The following PTPRA variants were observed in gnomAD, a reference collection of about 807,000 sequenced individuals.
PTPRA encodes the protein receptor-type tyrosine-protein phosphatase alpha.
A neutral mutation model predicts 104.8 loss-of-function variants in PTPRA; 25 were observed. The observed-to-expected ratio is 0.24, with a 90% CI of 0.17 to 0.33. The LOEUF is 0.33. PTPRA is among the 10% of genes least tolerant of loss of function. The probability of loss-of-function intolerance (pLI) is 1.00; values close to 1 mark genes in which losing one functional copy is unlikely to be tolerated. For synonymous variants in PTPRA, 323 were observed against 368.9 expected (o/e 0.88, Z 1.43); for missense variants, 765 against 1,015.3 (o/e 0.75, Z 3.35).
At chr20:2,989,427 A>G (rs921723318) in intron 9 of PTPRA, among the ~76,000 whole-genome samples, 1 of 152,148 alleles carries the variant, frequency 6.6e-6, no homozygotes, top group Non-Finnish European at 1.5e-5. Flanking sequence ...GCGAGACTCC[A>G]TCTCAAAAAA....
intron 1 of PTPRA, among the ~76,000 whole-genome samples, chr20:2,912,878 A>C (rs985079393): frequency 6.6e-6 from 1 of 152,220 alleles, no homozygotes; most frequent in African/African-American, 2.4e-5. Flanking sequence ...TACTTTGACT[A>C]TCCAGAAATT....
upstream of PTPRA, among the ~76,000 whole-genome samples, chr20:2,872,285 CG>C (rs1393377089): frequency 1.3e-5 from 2 of 152,310 alleles, no homozygotes; most frequent in East Asian, 3.9e-4. This position sits in a 1 kb window ranked among gnomAD's most constrained non-coding sequence, Gnocchi z 7.9. Context: ...GAAGAGTTGC[CG>C]CCGGTCACAA....
intron 1 of PTPRA, among the ~76,000 whole-genome samples, chr20:2,911,378 G>A (rs1490868480): frequency 6.6e-6 from 1 of 152,184 alleles, no homozygotes; most frequent in Non-Finnish European, 1.5e-5. Context: ...AATGATAAGA[G>A]ATGAGAATCC....
chr20:2,954,785 T>G (rs2147836094), intron 3 of PTPRA, among the ~76,000 whole-genome samples: 1 of 152,342 alleles, frequency 6.6e-6, no homozygotes, highest in East Asian at 1.9e-4. Context: ...TCCAAAGTCA[T>G]GAAGCTTTGC....
chr20:2,865,798 G>A, the PTPRA span: 1 of 487,632 alleles, frequency 2.1e-6, no homozygotes, highest in Non-Finnish European at 3.7e-6. The surrounding 1 kb of genome is among the most constrained non-coding windows in gnomAD (Gnocchi z 5.2). Context: ...GGGTGGAGGG[G>A]GCACAGGGAG....
At chr20:2,989,847 C>G (rs1034760273) in intron 9 of PTPRA, among the ~76,000 whole-genome samples, 4 of 152,060 alleles carry the variant, frequency 2.6e-5, no homozygotes, top group Non-Finnish European at 5.9e-5. Context: ...GAAACCCTGT[C>G]TCTACTAAAA....
intron 13 of PTPRA, among the ~76,000 whole-genome samples, chr20:3,019,119 C>T (rs2064672614): frequency 7.0e-6 from 1 of 143,288 alleles, no homozygotes. Context: ...AGGCGCCCCT[C>T]ACCTCCTGGA....
chr20:2,892,372 G>C (rs1352128950), intron 1 of PTPRA, among the ~76,000 whole-genome samples: 1 of 151,724 alleles, frequency 6.6e-6, no homozygotes, highest in Non-Finnish European at 1.5e-5. Context: ...GATGGTCCCT[G>C]ATTTATGATG....
Position 3,022,054 on chromosome 20 carries a change from G to T in PTPRA, c.1162G>T (p.Val388Leu). The change falls in exon 15 of 24, where the codon GTG becomes TTG. Residue 388 changes from valine (V) to leucine (L), a missense_variant and splice_region_variant. By Grantham distance (32) the Val-to-Leu change is conservative. Coordinates refer to ENST00000399903, the MANE Select transcript of PTPRA (RefSeq NM_001385305.1). The surrounding 1 kb of genome is among the most constrained non-coding windows in gnomAD (Gnocchi z 4.6). ...YTVRKFCIQQ[V>L]GDMTNRKPQR... ...CACACAGGATCTCCTCACTTCACAG[G>T]TGGGCGACATGACCAACAGAAAGCC... 6.2e-7 allele frequency: 1 copy of T among 1,614,060 alleles called. No individual in the cohort carries two copies. The highest frequency in any genetic ancestry group is 8.5e-7 in the Non-Finnish European group (1 of 1,179,946).
intron 3 of PTPRA, among the ~76,000 whole-genome samples, chr20:2,957,242 G>A (rs567134723): frequency 8.5e-5 from 13 of 152,224 alleles, no homozygotes; most frequent in African/African-American, 2.6e-4. Flanking sequence ...CCGAGATCGC[G>A]CCACAACATT....
chr20:2,915,741 A>G (rs771410276), intron 1 of PTPRA, among the ~76,000 whole-genome samples: 7 of 152,144 alleles, frequency 4.6e-5, no homozygotes, highest in Admixed American at 3.3e-4. Flanking sequence ...TAATCCTAGC[A>G]CTTTGAGAGG....
chr20:2,890,164 T>C (rs1460676509), intron 1 of PTPRA, among the ~76,000 whole-genome samples: 1 of 151,938 alleles, frequency 6.6e-6, no homozygotes, highest in Non-Finnish European at 1.5e-5. Context: ...GCCCAAGTGC[T>C]GGGATTACAG....
chr20:2,978,314 G>A (rs763058539), intron 6 of PTPRA, among the ~76,000 whole-genome samples: 1 of 152,194 alleles, frequency 6.6e-6, no homozygotes. Context: ...TCAACCCAGT[G>A]GTTAGATTCT....
chr20:3,025,868 CAAAA>C (rs560575967), intron 17 of PTPRA, among the ~76,000 whole-genome samples: 4 of 67,952 alleles, frequency 5.9e-5, no homozygotes, highest in Non-Finnish European at 1.0e-4. Context: ...GACTCTGTCT[CAAAA>C]AAAAAAAAAA....
the PTPRA span, chr20:2,865,265 CACA>C: frequency 6.8e-6 from 11 of 1,614,144 alleles, no homozygotes; most frequent in Non-Finnish European, 8.5e-6. The surrounding 1 kb of genome is among the most constrained non-coding windows in gnomAD (Gnocchi z 5.2). Context: ...TCTTGGCGGT[CACA>C]ACAAGCGTGC....
chr20:2,943,780 CA>C (rs2061018093), intron 2 of PTPRA, among the ~76,000 whole-genome samples: 1 of 152,144 alleles, frequency 6.6e-6, no homozygotes, highest in Non-Finnish European at 1.5e-5. Context: ...AAAGAGGATG[CA>C]GATTATTTGG....
chr20:2,985,835 G>A (rs367558202), intron 6 of PTPRA, among the ~76,000 whole-genome samples: 1 of 152,112 alleles, frequency 6.6e-6, no homozygotes, highest in Non-Finnish European at 1.5e-5. Context: ...TTCTACCTCA[G>A]CCTCCCAAAG....
At chr20:2,999,155 A>G (rs1013798108) in intron 9 of PTPRA, among the ~76,000 whole-genome samples, 3 of 152,156 alleles carry the variant, frequency 2.0e-5, no homozygotes, top group Non-Finnish European at 4.4e-5. Context: ...TAAAGTACCT[A>G]GGAATGGATT....
At chr20:3,015,038 T>A (rs1461037259) in intron 11 of PTPRA, among the ~76,000 whole-genome samples, 1 of 152,192 alleles carries the variant, frequency 6.6e-6, no homozygotes, top group African/African-American at 2.4e-5. Context: ...AGCCTCTTGT[T>A]AAACACTGGG....
Sources: allele counts gnomAD v4.1 joint callset (sites outside exome capture counted in the v4.1 genomes callset), GRCh38; gene constraint gnomAD v4.1.1; non-coding constraint Gnocchi (gnomAD v3.1); transcripts MANE v1.5; gene names NCBI Gene and HGNC (gene_info 2026-07-23, HGNC 2026-07-21).